OR10J1: variants seen among roughly 807,000 people sequenced by gnomAD.
OR10J1 encodes olfactory receptor family 10 subfamily J member 1.
For synonymous variants in OR10J1, 202 were observed against 143.8 expected, an observed-to-expected ratio of 1.40 and a Z score of -2.89; for missense variants, 474 against 376.6, an observed-to-expected ratio of 1.26 and a Z score of -2.14.
the OR10J1 span, among the ~76,000 whole-genome samples, chr1:159,410,647 C>G: frequency 1.3e-5 from 2 of 151,264 alleles, no homozygotes; most frequent in African/African-American, 4.9e-5. Context: ...TTCAAAAAAC[C>G]AGCTCCTGGA....
the OR10J1 span, among the ~76,000 whole-genome samples, chr1:159,404,491 G>A: frequency 6.6e-6 from 1 of 152,116 alleles, no homozygotes; most frequent in Non-Finnish European, 1.5e-5. Flanking sequence ...ATCATTTACA[G>A]CTCAAACATC....
chr1:159,412,913 G>A, the OR10J1 span, among the ~76,000 whole-genome samples: 9,886 of 151,734 alleles, frequency 0.065, 687 homozygotes, highest in East Asian at 0.41. Flanking sequence ...CTACAACATG[G>A]GAGAAAATTT....
the OR10J1 span, among the ~76,000 whole-genome samples, chr1:159,412,141 G>T: frequency 6.6e-6 from 1 of 151,942 alleles, no homozygotes; most frequent in Non-Finnish European, 1.5e-5. Context: ...GGACGTGAAG[G>T]ACCTCTTCAA....
rs758028749 is a variant in OR10J1 at position 159,439,898 on chromosome 1, T to C, written c.107T>C (p.Ile36Thr). ...TLFGVFLALY[I>T]LTLAGNIIIV... The stretch of plus-strand genomic sequence containing the variant: ...TTTGGCGTGTTCCTTGCACTATACA[T>C]CTTAACCTTAGCAGGCAATATCATC... Residue 36 changes from isoleucine (I) to threonine (T), a missense_variant, in exon 1 of 1, where the codon ATC becomes ACC. Transcript: ENST00000423932. 3.2e-5 allele frequency: 52 copies of C among 1,614,044 alleles called. No homozygotes were observed. The Middle Eastern group carries it at 4.9e-4, about 15-fold the overall frequency.
At chr1:159,434,104 A>G (rs1655668034), upstream of OR10J1, among the ~76,000 whole-genome samples, 1 of 152,224 alleles carries the variant, frequency 6.6e-6, no homozygotes, top group African/African-American at 2.4e-5. Context: ...TCTTCACTAT[A>G]AATCTATGAG....
At chr1:159,411,943 C>G in the OR10J1 span, among the ~76,000 whole-genome samples, 1,365 of 152,068 alleles carry the variant, frequency 9.0e-3, 7 homozygotes, top group Non-Finnish European at 0.012. Flanking sequence ...AAACCCCATT[C>G]TCTCAGCCCA....
At chr1:159,427,146 T>C in the OR10J1 span, among the ~76,000 whole-genome samples, 1 of 151,750 alleles carries the variant, frequency 6.6e-6, no homozygotes, top group Non-Finnish European at 1.5e-5. Context: ...TTAAAATATA[T>C]ACTACTACGG....
At chr1:159,400,731 A>G in the OR10J1 span, among the ~76,000 whole-genome samples, 1 of 151,940 alleles carries the variant, frequency 6.6e-6, no homozygotes, top group African/African-American at 2.4e-5. Context: ...AAATCCATAA[A>G]GAAACCTCAG....
chr1:159,440,166 C>T lies in OR10J1; in HGVS notation c.375C>T (p.Ala125=), dbSNP rs755080659. Residue 125 remains alanine (A), a synonymous_variant, in exon 1 of 1, where the codon GCC becomes GCT. Coordinates refer to ENST00000423932, the MANE Select transcript of OR10J1 (RefSeq NM_012351.3). ...LTAMGYDRYV[A]ICNPLRYMVI... ...CAATGGGATATGACCGCTATGTGGC[C>T]ATCTGCAACCCCCTGAGATACATGG... 20 of 1,614,028 alleles carry T rather than the reference C, an allele frequency of 1.2e-5. No homozygotes were observed. The highest frequency in any genetic ancestry group is 1.3e-5 in the Non-Finnish European group (15 of 1,180,034).
At chr1:159,405,186 T>C in the OR10J1 span, among the ~76,000 whole-genome samples, 2 of 152,224 alleles carry the variant, frequency 1.3e-5, no homozygotes, top group East Asian at 3.9e-4. Context: ...AAGGAACAAC[T>C]AAATTAACAC....
At chr1:159,423,113 T>G in the OR10J1 span, among the ~76,000 whole-genome samples, 1 of 152,032 alleles carries the variant, frequency 6.6e-6, no homozygotes, top group African/African-American at 2.4e-5. Flanking sequence ...AAACCGAAAA[T>G]ACATTTTTTT....
chr1:159,427,601 A>G, the OR10J1 span, among the ~76,000 whole-genome samples: 1 of 152,022 alleles, frequency 6.6e-6, no homozygotes, highest in African/African-American at 2.4e-5. Flanking sequence ...GAAATAGAAA[A>G]TGTACTAGAA....
chr1:159,437,390 CA>C (rs1571156765), upstream of OR10J1, among the ~76,000 whole-genome samples: 1 of 151,902 alleles, frequency 6.6e-6, no homozygotes, highest in East Asian at 1.9e-4. Context: ...TGCCTATAAG[CA>C]AAAGGCCCTA....
chr1:159,415,583 A>C, the OR10J1 span, among the ~76,000 whole-genome samples: 33 of 151,938 alleles, frequency 2.2e-4, no homozygotes, highest in African/African-American at 7.5e-4. Context: ...AAATTTTTGG[A>C]TTGCTTTTTC....
the OR10J1 span, among the ~76,000 whole-genome samples, chr1:159,423,977 G>T: frequency 6.6e-6 from 1 of 152,120 alleles, no homozygotes; most frequent in Non-Finnish European, 1.5e-5. Context: ...AGCAGTTTGG[G>T]AGGCTGAGGC....
chr1:159,421,773 G>A, the OR10J1 span, among the ~76,000 whole-genome samples: 3 of 152,312 alleles, frequency 2.0e-5, no homozygotes, highest in East Asian at 5.8e-4. Context: ...TTGGGCCTGG[G>A]TGGTGATGGC....
At chr1:159,437,654 G>A (rs1012001260), upstream of OR10J1, among the ~76,000 whole-genome samples, 4 of 151,676 alleles carry the variant, frequency 2.6e-5, no homozygotes, top group African/African-American at 9.7e-5. Context: ...GAGTAAATGA[G>A]CCCTATACAT....
rs1337747668 is a variant in OR10J1 at position 159,440,043 on chromosome 1, C to T, written c.252C>T (p.Ser84=). ...TCATTCTCCCAAGAATGCTCTCCAG[C>T]CTCGTAGGTATGAGCCAGCCCATAT... ...TLVILPRMLS[S]LVGMSQPISL... is the part of the protein sequence containing the mutation. Residue 84 remains serine, a synonymous_variant, in exon 1 of 1, where the codon AGC becomes AGT. Coordinates refer to ENST00000423932, the MANE Select transcript of OR10J1 (RefSeq NM_012351.3). 1 of 1,614,112 alleles carries T rather than the reference C, an allele frequency of 6.2e-7. No homozygotes were observed. The highest frequency in any genetic ancestry group is 8.5e-7 in the Non-Finnish European group (1 of 1,180,010).
At chr1:159,405,781 A>T in the OR10J1 span, 72 of 1,345,414 alleles carry the variant, frequency 5.4e-5, no homozygotes, top group Admixed American at 1.3e-3. Context: ...AACAAAGTTG[A>T]TTATCTCATT....
Sources: gnomAD v4.1 joint callset for allele counts (sites outside exome capture counted in the v4.1 genomes callset) on GRCh38, gnomAD v4.1.1 for gene constraint, MANE v1.5 for transcripts, NCBI Gene and HGNC (gene_info 2026-07-23, HGNC 2026-07-21) for gene names.